REDIC1: variants seen among roughly 807,000 people sequenced by gnomAD.
REDIC1 encodes the protein HEI10 Interacting Protein 1.
chr12:39,901,065 C>G, the REDIC1 span, among the ~76,000 whole-genome samples: 1 of 151,998 alleles, frequency 6.6e-6, no homozygotes, highest in Non-Finnish European at 1.5e-5. Context: ...CTTTGACAAA[C>G]CTGAGAAAAA....
the REDIC1 span, chr12:39,626,418 AG>A: frequency 6.2e-7 from 1 of 1,607,610 alleles, no homozygotes; most frequent in Non-Finnish European, 8.5e-7. Context: ...TCCTCTTTCT[AG>A]TTCCTGGCGG....
the REDIC1 span, among the ~76,000 whole-genome samples, chr12:39,726,376 C>T: frequency 6.6e-6 from 1 of 152,016 alleles, no homozygotes; most frequent in African/African-American, 2.4e-5. Context: ...TGTGTTCTCA[C>T]AACTCAACTC....
chr12:39,724,154 G>A, the REDIC1 span, among the ~76,000 whole-genome samples: 1 of 152,248 alleles, frequency 6.6e-6, no homozygotes, highest in South Asian at 2.1e-4. Flanking sequence ...AACAATATCT[G>A]ATGGGAATTG....
At chr12:39,711,858 TGTGTATACAC>T in the REDIC1 span, among the ~76,000 whole-genome samples, 1 of 69,444 alleles carries the variant, frequency 1.4e-5, no homozygotes, top group Non-Finnish European at 2.8e-5. Flanking sequence ...TGCATGTGTA[TGTGTATACAC>T]GTATACACAT....
At chr12:39,757,966 T>G in the REDIC1 span, 1 of 152,258 alleles carries the variant, frequency 6.6e-6, no homozygotes, top group South Asian at 2.1e-4. Context: ...CTTATTATAT[T>G]TTGATTGTAC....
At chr12:39,726,809 A>G in the REDIC1 span, among the ~76,000 whole-genome samples, 1 of 152,168 alleles carries the variant, frequency 6.6e-6, no homozygotes, top group African/African-American at 2.4e-5. Context: ...ATTTCTCCAT[A>G]TCCTCTCCAG....
At chr12:39,677,210 A>C in the REDIC1 span, among the ~76,000 whole-genome samples, 2 of 152,202 alleles carry the variant, frequency 1.3e-5, no homozygotes, top group African/African-American at 4.8e-5. Context: ...TATGTAACAC[A>C]TAAGAATTCA....
the REDIC1 span, among the ~76,000 whole-genome samples, chr12:39,809,062 T>A: frequency 6.6e-6 from 1 of 152,164 alleles, no homozygotes; most frequent in Admixed American, 6.6e-5. Flanking sequence ...AGGTCTATGA[T>A]GTATATTGAG....
chr12:39,833,918 CT>C, the REDIC1 span, among the ~76,000 whole-genome samples: 1 of 149,316 alleles, frequency 6.7e-6, no homozygotes, highest in Non-Finnish European at 1.5e-5. Context: ...AAAAAAATCT[CT>C]GACCTACATC....
At chr12:39,722,485 T>C in the REDIC1 span, among the ~76,000 whole-genome samples, 1 of 152,132 alleles carries the variant, frequency 6.6e-6, no homozygotes, top group Non-Finnish European at 1.5e-5. Flanking sequence ...TTTGCAAAAA[T>C]ATTGCATACT....
chr12:39,715,341 C>T, the REDIC1 span, among the ~76,000 whole-genome samples: 11 of 151,888 alleles, frequency 7.2e-5, no homozygotes, highest in South Asian at 1.5e-3. Context: ...CTTTATGTTT[C>T]GTTTCCTTCG....
chr12:39,685,630 T>G, the REDIC1 span, among the ~76,000 whole-genome samples: 1 of 152,106 alleles, frequency 6.6e-6, no homozygotes, highest in African/African-American at 2.4e-5. Context: ...ACCATATCTT[T>G]CCACCCCCAG....
chr12:39,727,748 T>C, the REDIC1 span, among the ~76,000 whole-genome samples: 4 of 152,220 alleles, frequency 2.6e-5, no homozygotes, highest in African/African-American at 9.6e-5. Flanking sequence ...TTGGGCAGTA[T>C]GGCCATTTTC....
chr12:39,841,764 G>C, the REDIC1 span, among the ~76,000 whole-genome samples: 1 of 151,700 alleles, frequency 6.6e-6, no homozygotes, highest in East Asian at 1.9e-4. Context: ...AATCTTCTCT[G>C]GTGACAATAT....
chr12:39,705,832 T>C, the REDIC1 span, among the ~76,000 whole-genome samples: 2 of 152,124 alleles, frequency 1.3e-5, no homozygotes, highest in African/African-American at 2.4e-5. Flanking sequence ...CAGCCATGTA[T>C]GACAGACCCA....
At chr12:39,880,516 C>T in the REDIC1 span, among the ~76,000 whole-genome samples, 1 of 152,046 alleles carries the variant, frequency 6.6e-6, no homozygotes, top group African/African-American at 2.4e-5. Context: ...ACATACTAGT[C>T]AATTGTATCA....
chr12:39,678,130 C>A, the REDIC1 span, among the ~76,000 whole-genome samples: 2 of 148,308 alleles, frequency 1.3e-5, no homozygotes, highest in Non-Finnish European at 3.0e-5. Flanking sequence ...ACAGAAAAAA[C>A]AATACAAAAG....
chr12:39,632,351 G>T, the REDIC1 span, among the ~76,000 whole-genome samples: 1 of 151,998 alleles, frequency 6.6e-6, no homozygotes, highest in Non-Finnish European at 1.5e-5. Flanking sequence ...TCCCACCTCG[G>T]CCTCCCAAAG....
At chr12:39,787,895 G>C in the REDIC1 span, among the ~76,000 whole-genome samples, 3 of 152,012 alleles carry the variant, frequency 2.0e-5, no homozygotes, top group African/African-American at 7.2e-5. Context: ...TGTAAAGAGT[G>C]GTATTGATGA....
Sources: allele counts gnomAD v4.1 joint callset (sites outside exome capture counted in the v4.1 genomes callset), GRCh38; gene constraint gnomAD v4.1.1; transcripts MANE v1.5; gene names NCBI Gene and HGNC (gene_info 2026-07-23, HGNC 2026-07-21).